Variants in CDYL observed in about 807,000 individuals in gnomAD.
CDYL encodes chromodomain Y-like protein.
Under a neutral mutation model 47.3 loss-of-function variants are expected in CDYL, and 8 were observed. That is an observed-to-expected ratio of 0.17 (90% confidence interval 0.10 to 0.31). The LOEUF (loss-of-function observed/expected upper bound fraction) is 0.31, where lower values mean the gene tolerates loss of function less well. CDYL is among the 10% of genes least tolerant of loss of function. The pLI is 1.00. For synonymous variants in CDYL, 266 were observed against 265.0 expected (o/e 1.00, Z -0.04); for missense variants, 471 against 701.4 (o/e 0.67, Z 3.71).
chr6:4,728,222 G>A (rs1049975747), intron 2 of CDYL, among the ~76,000 whole-genome samples: 2 of 152,190 alleles, frequency 1.3e-5, no homozygotes, highest in Non-Finnish European at 2.9e-5. Context: ...GCTTGCTTGT[G>A]GATGATTAGC....
intron 2 of CDYL, among the ~76,000 whole-genome samples, chr6:4,899,025 C>G (rs1756926881): frequency 6.6e-6 from 1 of 152,186 alleles, no homozygotes; most frequent in South Asian, 2.1e-4. Context: ...CTTAGGTGTA[C>G]TTAGAAATCT....
At chr6:4,713,718 G>A (rs1757200670) in intron 1 of CDYL, among the ~76,000 whole-genome samples, 1 of 151,838 alleles carries the variant, frequency 6.6e-6, no homozygotes, top group Non-Finnish European at 1.5e-5. Flanking sequence ...CCCCCAAGTA[G>A]CTGGGATTAC....
intron 1 of CDYL, among the ~76,000 whole-genome samples, chr6:4,849,438 G>T (rs1581210287): frequency 6.6e-6 from 1 of 152,162 alleles, no homozygotes; most frequent in African/African-American, 2.4e-5. Context: ...ACAGGAGACT[G>T]CAGACACTAA....
At chr6:4,707,709 A>G (rs988070710) in intron 1 of CDYL, among the ~76,000 whole-genome samples, 4 of 152,202 alleles carry the variant, frequency 2.6e-5, no homozygotes, top group African/African-American at 9.6e-5. Flanking sequence ...TTAAAAGTTA[A>G]GCTGATCCTC....
intron 2 of CDYL, among the ~76,000 whole-genome samples, chr6:4,720,444 A>G (rs1442249062): frequency 6.6e-6 from 1 of 152,232 alleles, no homozygotes; most frequent in Non-Finnish European, 1.5e-5. Flanking sequence ...TAAATGTAAT[A>G]TGCTCAGGTC....
intron 2 of CDYL, among the ~76,000 whole-genome samples, chr6:4,726,468 G>A (rs1008768791): frequency 7.3e-5 from 11 of 150,558 alleles, no homozygotes; most frequent in Middle Eastern, 3.4e-3. Context: ...GGAGGCAGAC[G>A]TTGCAGTAAG....
At position 4,726,073 on chromosome 6, in the gene CDYL, G is replaced by A. The variant is rs147588904; in HGVS notation, c.104-8689G>A. Among the ~76,000 whole-genome samples, 5 of 152,286 alleles carry A rather than the reference G, an allele frequency of 3.3e-5. No individual in the cohort carries two copies. The East Asian group carries it at 7.7e-4, about 23-fold the overall frequency. ...ATGTCAGCTCCAAAATGGTCCCCATGTCTTATTCTTTCCATCACCATTAAT... is the reference window on the plus strand; with the variant it reads ...ATGTCAGCTCCAAAATGGTCCCCATATCTTATTCTTTCCATCACCATTAAT... On this transcript the variant is annotated intron_variant, in intron 2 of 8. Transcript: ENST00000328908.
intron 2 of CDYL, among the ~76,000 whole-genome samples, chr6:4,727,105 C>CA (rs1428949792): frequency 6.6e-6 from 1 of 152,036 alleles, no homozygotes; most frequent in Non-Finnish European, 1.5e-5. Context: ...ATATTTTCCC[C>CA]AAAACCAGAA....
intron 1 of CDYL, among the ~76,000 whole-genome samples, chr6:4,874,611 CA>C (rs1244231909): frequency 1.3e-5 from 2 of 152,214 alleles, no homozygotes; most frequent in Non-Finnish European, 2.9e-5. Flanking sequence ...AGTATGTGCA[CA>C]AATCTTAAGT....
chr6:4,730,162 C>G (rs1001619885), intron 2 of CDYL, among the ~76,000 whole-genome samples: 4 of 152,070 alleles, frequency 2.6e-5, no homozygotes, highest in Non-Finnish European at 5.9e-5. Flanking sequence ...GGGTAAACTA[C>G]AGAAGCAACC....
At chr6:4,741,407 T>C (rs577412152) in intron 3 of CDYL, among the ~76,000 whole-genome samples, 1 of 152,304 alleles carries the variant, frequency 6.6e-6, no homozygotes, top group East Asian at 1.9e-4. Flanking sequence ...AGATTAAATT[T>C]CATTTTTCTC....
chr6:4,829,652 AT>A (rs1231775926), intron 1 of CDYL, among the ~76,000 whole-genome samples: 5 of 152,160 alleles, frequency 3.3e-5, no homozygotes, highest in African/African-American at 1.2e-4. Flanking sequence ...ACTTGTTTGT[AT>A]ATCTCAACTT....
intron 1 of CDYL, among the ~76,000 whole-genome samples, chr6:4,827,621 A>G (rs898224381): frequency 2.2e-4 from 34 of 152,184 alleles, no homozygotes; most frequent in African/African-American, 7.2e-4. Context: ...TGTGTGCTCA[A>G]TAACATGGAT....
At chr6:4,718,852 A>G (rs1757318721) in intron 2 of CDYL, among the ~76,000 whole-genome samples, 1 of 151,522 alleles carries the variant, frequency 6.6e-6, no homozygotes, top group South Asian at 2.1e-4. Context: ...CCTGCAGGAT[A>G]TTCCAGTTTA....
intron 1 of CDYL, among the ~76,000 whole-genome samples, chr6:4,883,297 C>T (rs759247387): frequency 6.6e-6 from 1 of 152,184 alleles, no homozygotes; most frequent in Non-Finnish European, 1.5e-5. Context: ...CTAGAGCCTT[C>T]CTCAGGGATG....
At chr6:4,945,444 C>T (rs1332156494) in intron 5 of CDYL, among the ~76,000 whole-genome samples, 2 of 152,180 alleles carry the variant, frequency 1.3e-5, no homozygotes, top group Non-Finnish European at 2.9e-5. Flanking sequence ...TCTCACACCC[C>T]AGGGTAGTTC....
intron 3 of CDYL, among the ~76,000 whole-genome samples, chr6:4,740,358 G>C (rs1299999954): frequency 6.6e-6 from 1 of 152,068 alleles, no homozygotes; most frequent in Non-Finnish European, 1.5e-5. Context: ...GCAATGTCTG[G>C]AGGCATTTTA....
At position 4,833,878 on chromosome 6, in the gene CDYL, C is replaced by A. The variant is rs984755120; in HGVS notation, c.24+57071C>A. Among the ~76,000 whole-genome samples, 1,047 of 151,694 alleles carry A rather than the reference C, an allele frequency of 6.9e-3. 7 individuals carry two copies. The highest frequency in any genetic ancestry group is 1.0e-2 in the Non-Finnish European group (678 of 67,864). The stretch of plus-strand genomic sequence containing the variant: ...TTGTTGGTTTAAAGTCTGTTTTATC[C>A]GAGACTAGGATTGCAACCCCTGCCT... On this transcript the variant is annotated intron_variant, in intron 1 of 6. Coordinates refer to ENST00000397588, the MANE Select transcript of CDYL (RefSeq NM_004824.4).
intron 5 of CDYL, among the ~76,000 whole-genome samples, chr6:4,945,802 G>A (rs913122533): frequency 6.6e-6 from 1 of 152,372 alleles, no homozygotes; most frequent in East Asian, 1.9e-4. Context: ...CTTAGCCACA[G>A]GACTCTCGGG....
Sources: gnomAD v4.1 joint callset for allele counts (sites outside exome capture counted in the v4.1 genomes callset) on GRCh38, gnomAD v4.1.1 for gene constraint, MANE v1.5 for transcripts, NCBI Gene and HGNC (gene_info 2026-07-23, HGNC 2026-07-21) for gene names.